COL6A6: variants seen among roughly 807,000 people sequenced by gnomAD.
COL6A6 encodes collagen alpha-6(VI) chain.
COL6A6 carries 183 observed loss-of-function variants against 208.6 expected under a neutral mutation model. The observed-to-expected ratio is 0.88, with a 90% CI of 0.78 to 0.99. COL6A6 has a LOEUF of 0.99. Ranked by LOEUF, COL6A6 falls within the 50% of genes least tolerant of loss-of-function variation. COL6A6 has a pLI of 0.00. For missense variants in COL6A6, 2,816 were observed against 2,815.2 expected, an observed-to-expected ratio of 1.00 and a Z score of -0.01; for synonymous variants, 973 against 1,011.8, an observed-to-expected ratio of 0.96 and a Z score of 0.73.
chr3:130,602,243 G>A (rs190047743), intron 20 of COL6A6, among the ~76,000 whole-genome samples: 3 of 152,256 alleles, frequency 2.0e-5, no homozygotes, highest in Non-Finnish European at 2.9e-5. Context: ...TAAGGAAAAA[G>A]AAATCATTCG....
chr3:130,556,561 G>A (rs894232478), intron 1 of COL6A6, among the ~76,000 whole-genome samples: 1 of 151,682 alleles, frequency 6.6e-6, no homozygotes, highest in East Asian at 1.9e-4. Context: ...TTATCTATTT[G>A]CATTTTCTCT....
At position 130,649,535 on chromosome 3, in the gene COL6A6, C is replaced by G. The variant is rs755436627; in HGVS notation, c.5706C>G (p.Asn1902Lys). Residue 1902 changes from asparagine to lysine, a missense_variant, in exon 33 of 37, where the codon AAC becomes AAG. Transcript: ENST00000358511. ...TTCCCGTGGTGATCACTTTCAGCAA[C>G]GTGCCCTCGGTCAGGCGCGCATTTG... is the stretch of plus-strand genomic sequence containing the variant. ...EIIPVVITFS[N>K]VPSVRRAFAI... 6.3e-7 allele frequency: 1 copy of G among 1,597,272 alleles called. No individual in the cohort carries two copies.
intron 36 of COL6A6, among the ~76,000 whole-genome samples, chr3:130,666,607 A>T (rs901449390): frequency 6.6e-6 from 1 of 152,194 alleles, no homozygotes; most frequent in Admixed American, 6.5e-5. Context: ...AAACTTGTAA[A>T]ACTTAGTGAA....
Position 130,528,440 on chromosome 3 carries a change from A to C in COL6A6, c.-32+11043A>C, listed in dbSNP as rs146920967. 2.6e-3 allele frequency among the ~76,000 whole-genome samples: 397 copies of C among 152,328 alleles called. 5 individuals are homozygous for C. The highest frequency in any genetic ancestry group is 9.1e-3 in the African/African-American group (378 of 41,588). ...CTTTAAGTAGCAATGGAATAGGGCA[A>C]GGGTTGCAAAGTTTTTCTATAAAGA... On this transcript the variant is annotated intron_variant, in intron 1 of 36. Coordinates refer to ENST00000358511, the MANE Select transcript of COL6A6 (RefSeq NM_001102608.3).
chr3:130,591,897 A>G (rs184586180), intron 13 of COL6A6, among the ~76,000 whole-genome samples: 50 of 152,296 alleles, frequency 3.3e-4, no homozygotes, highest in African/African-American at 1.2e-3. Flanking sequence ...ATGAATAGGA[A>G]TTTCTACAGG....
At chr3:130,615,556 G>T (rs2064491549) in intron 23 of COL6A6, among the ~76,000 whole-genome samples, 1 of 152,120 alleles carries the variant, frequency 6.6e-6, no homozygotes, top group Non-Finnish European at 1.5e-5. Context: ...ATTATTGCTT[G>T]TGAAGATATT....
chr3:130,593,131 C>T (rs766053337), intron 16 of COL6A6, 26 bp downstream of exon 16: 11 of 1,612,212 alleles, frequency 6.8e-6, no homozygotes, highest in Middle Eastern at 1.6e-4. Context: ...ACCATAGAGA[C>T]CCTTCTGAGC....
chr3:130,665,142 C>A, intron 36 of COL6A6, 46 bp downstream of exon 36: 1 of 1,313,032 alleles, frequency 7.6e-7, no homozygotes, highest in Non-Finnish European at 1.1e-6. Context: ...TGCCCCCTGC[C>A]TTTCTTCTAT....
At chr3:130,547,170 G>A (rs7631019) in intron 1 of COL6A6, among the ~76,000 whole-genome samples, 12,983 of 152,298 alleles carry the variant, frequency 0.085, 1,830 homozygotes, top group African/African-American at 0.29. Flanking sequence ...GGAGGGGCTC[G>A]GGCATGGCAG....
intron 23 of COL6A6, among the ~76,000 whole-genome samples, chr3:130,613,636 T>C (rs996256229): frequency 2.0e-5 from 3 of 152,244 alleles, no homozygotes; most frequent in Non-Finnish European, 4.4e-5. Context: ...TGATTCTTCC[T>C]GTCCATGAGC....
At chr3:130,529,956 T>C (rs377193713) in intron 1 of COL6A6, among the ~76,000 whole-genome samples, 5 of 152,202 alleles carry the variant, frequency 3.3e-5, no homozygotes, top group East Asian at 3.8e-4. Flanking sequence ...CTCAAAGTGT[T>C]GTCCTCAGCC....
At position 130,599,707 on chromosome 3, in the gene COL6A6, C is replaced by T. The variant is rs377018818; in HGVS notation, c.4600-50C>T. The T allele has an allele frequency of 1.0e-5, 16 of 1,592,986 alleles. No homozygotes were observed. In the African/African-American group the frequency reaches 2.1e-4, roughly 21 times the overall value. ...TAAAAGTTGATGTTAAAGAGAAACT[C>T]TGTCAATGCTGCATAATTACCGTCA... On this transcript the variant is annotated intron_variant, in intron 19 of 36. Transcript: ENST00000358511.
Position 130,634,566 on chromosome 3 carries a change from A to T in COL6A6, c.4993-24A>T, listed in dbSNP as rs377474743. On this transcript the variant is annotated intron_variant, in intron 26 of 36. Transcript: ENST00000358511. ...TCATTGGGTGATGTGTGCCTGTATAAATCTTTCCTCCTGTCCATTACAGGG... is the reference window on the plus strand; with the variant it reads ...TCATTGGGTGATGTGTGCCTGTATATATCTTTCCTCCTGTCCATTACAGGG... The T allele has an allele frequency of 6.6e-5, 106 of 1,595,684 alleles. No individual in the cohort carries two copies. In the African/African-American group the frequency reaches 1.4e-3, roughly 21 times the overall value.
intron 1 of COL6A6, among the ~76,000 whole-genome samples, chr3:130,535,062 T>C (rs1376693944): frequency 6.6e-6 from 1 of 152,156 alleles, no homozygotes; most frequent in Non-Finnish European, 1.5e-5. Context: ...CTCATAGTAT[T>C]TTCCTTCAGT....
At position 130,565,406 on chromosome 3, in the gene COL6A6, G is replaced by A. The variant is rs1437985039; in HGVS notation, c.1074G>A (p.Glu358=). 7.4e-6 allele frequency: 12 copies of A among 1,613,712 alleles called. No individual in the cohort carries two copies. The highest frequency in any genetic ancestry group is 4.5e-5 in the East Asian group (2 of 44,878). ...AAGCAGCTGTTAACCTCCGACGGGA[G>A]GGTGTGACCATCTTCACCCTGGGCA... ...VTKAAVNLRR[E]GVTIFTLGIE... The change falls in exon 4 of 37, where the codon GAG becomes GAA. Residue 358 remains glutamate, a synonymous_variant. Coordinates refer to ENST00000358511, the MANE Select transcript of COL6A6 (RefSeq NM_001102608.3).
chr3:130,573,088 G>T (rs746971656), intron 7 of COL6A6, among the ~76,000 whole-genome samples: 2 of 152,104 alleles, frequency 1.3e-5, no homozygotes, highest in African/African-American at 2.4e-5. Context: ...CAGCAGAAAG[G>T]GGCTGATAAA....
At chr3:130,607,686 A>G (rs763912504) in intron 21 of COL6A6, among the ~76,000 whole-genome samples, 3 of 152,216 alleles carry the variant, frequency 2.0e-5, no homozygotes, top group Non-Finnish European at 4.4e-5. Context: ...ATGCCAGAAA[A>G]TAACAGAGTA....
rs191222012 is a variant in COL6A6 at position 130,549,365 on chromosome 3, T to C, written c.-31-10969T>C. Among the ~76,000 whole-genome samples, 281 of 152,282 alleles carry C rather than the reference T, an allele frequency of 1.8e-3. 2 individuals are homozygous for C. The highest frequency in any genetic ancestry group is 6.4e-3 in the African/African-American group (266 of 41,548). On this transcript the variant is annotated intron_variant, in intron 1 of 36. Coordinates refer to ENST00000358511, the MANE Select transcript of COL6A6 (RefSeq NM_001102608.3). ...TAGAGATAGGCTCTCACTATGTTGC[T>C]CAGGCTGGCCTCAAACTCTTCAGTT... is the stretch of plus-strand genomic sequence containing the variant.
intron 12 of COL6A6, among the ~76,000 whole-genome samples, chr3:130,590,439 C>T (rs578193191): frequency 7.0e-6 from 1 of 143,520 alleles, no homozygotes; most frequent in South Asian, 2.3e-4. Flanking sequence ...TTAGGTATAT[C>T]TCCTAATGCT....
Sources: allele counts gnomAD v4.1 joint callset (sites outside exome capture counted in the v4.1 genomes callset), GRCh38; gene constraint gnomAD v4.1.1; transcripts MANE v1.5; gene names NCBI Gene and HGNC (gene_info 2026-07-23, HGNC 2026-07-21).